IQGAP1: variants seen among roughly 807,000 people sequenced by gnomAD.
The protein encoded by IQGAP1 is ras GTPase-activating-like protein IQGAP1.
Under a neutral mutation model 215.6 loss-of-function variants are expected in IQGAP1, and 66 were observed. The ratio of observed to expected loss-of-function variants is 0.31; its 90% confidence interval spans 0.25 to 0.38. The LOEUF (loss-of-function observed/expected upper bound fraction) is 0.38, where lower values mean the gene tolerates loss of function less well. IQGAP1 is among the 10% of genes least tolerant of loss of function. The pLI, the probability that IQGAP1 is intolerant of heterozygous loss-of-function variation, is 1.00. For synonymous variants in IQGAP1, 772 were observed against 728.7 expected (o/e 1.06, Z -0.96); for missense variants, 1,712 against 1,997.1 (o/e 0.86, Z 2.72).
intron 2 of IQGAP1, among the ~76,000 whole-genome samples, chr15:90,394,274 T>G (rs1318919432): frequency 6.8e-6 from 1 of 146,844 alleles, no homozygotes; most frequent in Non-Finnish European, 1.5e-5. Flanking sequence ...CATGGAAAGG[T>G]GCCTGGTCTA....
chr15:90,432,478 A>G (rs1793809011), intron 4 of IQGAP1, among the ~76,000 whole-genome samples: 1 of 152,178 alleles, frequency 6.6e-6, no homozygotes, highest in African/African-American at 2.4e-5. Context: ...CTCCAAAGCT[A>G]GGCTACTTCT....
Position 90,456,471 on chromosome 15 carries a change from T to C in IQGAP1, c.1776+156T>C, listed in dbSNP as rs1042752028. 3.4e-4 allele frequency among the ~76,000 whole-genome samples: 51 copies of C among 152,212 alleles called. 1 individual carries two copies. Among genetic ancestry groups the C allele is most frequent in the Admixed American group, 3.2e-3 (49 of 15,278 alleles). On this transcript the variant is annotated intron_variant, in intron 15 of 37. Coordinates refer to ENST00000268182, the MANE Select transcript of IQGAP1 (RefSeq NM_003870.4). Reference sequence around the variant, plus strand: ...GAGGGACACAAAAATGTGAGAGACATAGGCTCCACCTACTAGGAGCTCATG... The same window carrying C: ...GAGGGACACAAAAATGTGAGAGACACAGGCTCCACCTACTAGGAGCTCATG...
At chr15:90,495,399 T>A (rs1224426730) in intron 36 of IQGAP1, among the ~76,000 whole-genome samples, 2 of 152,040 alleles carry the variant, frequency 1.3e-5, no homozygotes, top group Non-Finnish European at 2.9e-5. Context: ...AAACAACTTT[T>A]AAAAAAAGAA....
At chr15:90,430,962 A>C (rs1247516107) in intron 4 of IQGAP1, among the ~76,000 whole-genome samples, 1 of 148,008 alleles carries the variant, frequency 6.8e-6, no homozygotes, top group East Asian at 1.9e-4. Flanking sequence ...ACAATATAGA[A>C]TATATTGTAA....
intron 11 of IQGAP1, among the ~76,000 whole-genome samples, chr15:90,451,248 T>C (rs1596273032): frequency 6.6e-6 from 1 of 152,210 alleles, no homozygotes; most frequent in East Asian, 1.9e-4. Context: ...TTTACGTGGC[T>C]ATAAAGGGAT....
intron 2 of IQGAP1, among the ~76,000 whole-genome samples, chr15:90,416,996 G>A (rs1190142150): frequency 6.6e-6 from 1 of 152,182 alleles, no homozygotes; most frequent in African/African-American, 2.4e-5. Flanking sequence ...TCTGTTGGCT[G>A]CATAAATGTC....
rs138399745 is a variant in IQGAP1 at position 90,487,565 on chromosome 15, C to T, written c.4231C>T (p.Pro1411Ser). Residue 1411 changes from proline (P) to serine (S), a missense_variant, in exon 33 of 38, where the codon CCA (proline) becomes TCA (serine). Pro to Ser is a moderately conservative substitution (Grantham distance 74). Around this residue, in one of 2 missense-constraint regions of IQGAP1, gnomAD observed 691 missense variants for 923.0 expected, o/e 0.75. Coordinates refer to ENST00000268182, the MANE Select transcript of IQGAP1 (RefSeq NM_003870.4). ...GACCTTGACTGAAATCCTAGAAACA[C>T]CAGCCACCAGTGAACAGGTAAAATT... The part of the protein sequence containing the change: ...GETLTEILET[P>S]ATSEQEAEHQ... The T allele has an allele frequency of 1.7e-3, 2,724 of 1,613,332 alleles. 4 individuals carry two copies. The highest frequency in any genetic ancestry group is 2.1e-3 in the Non-Finnish European group (2,528 of 1,179,294).
chr15:90,474,845 C>T, intron 23 of IQGAP1, 152 bp downstream of exon 23: 2 of 613,824 alleles, frequency 3.3e-6, no homozygotes, highest in Non-Finnish European at 5.7e-6. Context: ...CTGAGTCTCA[C>T]TCTGTTGCCC....
At position 90,390,793 on chromosome 15, in the gene IQGAP1, A is replaced by G. The variant is rs1450032858; in HGVS notation, c.75A>G (p.Arg25=). 5 of 1,611,296 alleles carry G rather than the reference A, an allele frequency of 3.1e-6. No homozygotes were observed. Among genetic ancestry groups the G allele is most frequent in the Non-Finnish European group, 4.2e-6 (5 of 1,177,420 alleles). ...TTGTAGCTGTCCTGGATAATGAAAG[A>G]CTTACTGCAGAGGAGATGGATGAAA... ...PHYGSVLDNE[R]LTAEEMDERR... is the part of the protein sequence containing the mutation. The change falls in exon 2 of 38, where the codon AGA becomes AGG. Residue 25 remains arginine, a synonymous_variant. Coordinates refer to ENST00000268182, the MANE Select transcript of IQGAP1 (RefSeq NM_003870.4).
At chr15:90,414,123 T>C (rs1965009330) in intron 2 of IQGAP1, among the ~76,000 whole-genome samples, 1 of 152,134 alleles carries the variant, frequency 6.6e-6, no homozygotes, top group African/African-American at 2.4e-5. Context: ...TCCTTCTCCG[T>C]TCCCCCTAGT....
intron 15 of IQGAP1, among the ~76,000 whole-genome samples, chr15:90,462,079 A>G (rs1965772015): frequency 6.6e-6 from 1 of 151,428 alleles, no homozygotes; most frequent in African/African-American, 2.4e-5. Context: ...GAGGCAGGAG[A>G]ATGGCATGAA....
chr15:90,499,035 C>G (rs1966309278), intron 37 of IQGAP1, among the ~76,000 whole-genome samples: 1 of 152,188 alleles, frequency 6.6e-6, no homozygotes, highest in African/African-American at 2.4e-5. Context: ...CCAGGCTGGT[C>G]TCTAACTCGT....
intron 1 of IQGAP1, among the ~76,000 whole-genome samples, chr15:90,388,669 C>T (rs1964588879): frequency 6.6e-6 from 1 of 152,034 alleles, no homozygotes; most frequent in Admixed American, 6.5e-5. Flanking sequence ...TCTCGCCGCC[C>T]AGGCTCGGCC....
intron 2 of IQGAP1, among the ~76,000 whole-genome samples, chr15:90,396,537 TA>T (rs1964722638): frequency 6.6e-6 from 1 of 152,174 alleles, no homozygotes; most frequent in Non-Finnish European, 1.5e-5. Flanking sequence ...ACGGTGGCAC[TA>T]GGAGCTGATC....
At chr15:90,437,778 A>G (rs927466620) in intron 5 of IQGAP1, among the ~76,000 whole-genome samples, 1 of 152,172 alleles carries the variant, frequency 6.6e-6, no homozygotes, top group Non-Finnish European at 1.5e-5. Flanking sequence ...ACCTCAAGCT[A>G]TCCTCCTGCC....
intron 2 of IQGAP1, among the ~76,000 whole-genome samples, chr15:90,412,380 C>G (rs79665444): frequency 6.6e-6 from 1 of 152,200 alleles, no homozygotes; most frequent in Non-Finnish European, 1.5e-5. Context: ...TCACTTCTCT[C>G]TAGCCCTTTC....
intron 4 of IQGAP1, 144 bp downstream of exon 4, chr15:90,429,810 C>T: frequency 1.9e-6 from 1 of 514,868 alleles, no homozygotes; most frequent in Non-Finnish European, 3.4e-6. Flanking sequence ...TTCTTTTTGA[C>T]TTAGGAAATA....
rs1294504399 is a variant in IQGAP1 at position 90,426,211 on chromosome 15, C to G, written c.257C>G (p.Ser86Cys). The change falls in exon 3 of 38, where the codon TCT becomes TGT. Residue 86 changes from serine to cysteine, a missense_variant. This residue lies in a region of IQGAP1 where 1,021 missense variants were observed against 1,074.2 expected (regional missense o/e 0.95). Coordinates refer to ENST00000268182, the MANE Select transcript of IQGAP1 (RefSeq NM_003870.4). ...CTTGCCAAACTGGGGAACTTCTTCT[C>G]TCCCAAAGTAGTGTCCCTGAAAAAA... ...VYLAKLGNFF[S>C]PKVVSLKKIY... 6.2e-7 allele frequency: 1 copy of G among 1,603,730 alleles called. No individual in the cohort carries two copies. The highest frequency in any genetic ancestry group is 1.7e-5 in the Admixed American group (1 of 57,438).
intron 2 of IQGAP1, among the ~76,000 whole-genome samples, chr15:90,425,755 A>G (rs764497815): frequency 1.6e-4 from 24 of 152,348 alleles, no homozygotes; most frequent in Non-Finnish European, 3.2e-4. Flanking sequence ...TGGTGGCTTC[A>G]GTTACCAATG....
Sources: gnomAD v4.1 joint callset for allele counts (sites outside exome capture counted in the v4.1 genomes callset) on GRCh38, gnomAD v4.1.1 for gene constraint, gnomAD v4.1.1 regional missense constraint, MANE v1.5 for transcripts, NCBI Gene and HGNC (gene_info 2026-07-23, HGNC 2026-07-21) for gene names.